Variants in HERC1 observed in about 807,000 individuals in gnomAD.
The protein encoded by HERC1 is HECT and RLD domain containing E3 ubiquitin protein ligase family member 1.
Under a neutral mutation model 554.3 loss-of-function variants are expected in HERC1, and 160 were observed. The ratio of observed to expected loss-of-function variants is 0.29; its 90% CI spans 0.25 to 0.33. The LOEUF (loss-of-function observed/expected upper bound fraction) is 0.33. Ranked by LOEUF, HERC1 falls within the 10% of genes least tolerant of loss-of-function variation. HERC1 has a pLI of 1.00. For missense variants in HERC1, 4,919 were observed against 5,918.5 expected, an observed-to-expected ratio of 0.83 and a Z score of 5.54; for synonymous variants, 2,175 against 2,131.7, an observed-to-expected ratio of 1.02 and a Z score of -0.56.
At chr15:63,630,358 G>C (rs988192850) in intron 69 of HERC1, 108 bp downstream of exon 69, 17 of 1,075,948 alleles carry the variant, frequency 1.6e-5, no homozygotes, top group African/African-American at 6.3e-5. Flanking sequence ...TGATGTGCTT[G>C]GAGTATTGCA....
intron 1 of HERC1, among the ~76,000 whole-genome samples, chr15:63,802,635 A>C (rs2077028931): frequency 6.6e-6 from 1 of 152,232 alleles, no homozygotes; most frequent in South Asian, 2.1e-4. Flanking sequence ...CACAAATCCA[A>C]ACTGACATAC....
chr15:63,631,837 G>A (rs184110070), intron 68 of HERC1, among the ~76,000 whole-genome samples: 139 of 152,222 alleles, frequency 9.1e-4, no homozygotes, highest in Middle Eastern at 6.8e-3. Flanking sequence ...CACGGCGCCC[G>A]GCCCTCCCAA....
chr15:63,681,301 A>G (rs2071466303), intron 34 of HERC1, among the ~76,000 whole-genome samples: 1 of 152,096 alleles, frequency 6.6e-6, no homozygotes, highest in African/African-American at 2.4e-5. Context: ...TCCTGGGCTC[A>G]AGCAATTCTC....
chr15:63,635,960 C>T lies in HERC1; in HGVS notation c.12414+1G>A, dbSNP rs2068761947. The T allele has an allele frequency of 6.2e-7, 1 of 1,613,710 alleles. No homozygotes were observed. Among genetic ancestry groups the T allele is most frequent in the Non-Finnish European group, 8.5e-7 (1 of 1,179,806 alleles). Reference sequence around the variant, plus strand: ...GCAAACTTATCCATTTCCTGCCTGACCTGCACCACTTCTTCTCCTTGTAAG... The same window carrying T: ...GCAAACTTATCCATTTCCTGCCTGATCTGCACCACTTCTTCTCCTTGTAAG... On this transcript the variant is annotated splice_donor_variant, in intron 65 of 77. Transcript: ENST00000443617. LOFTEE classifies it high-confidence loss of function.
chr15:63,655,652 ATAATT>A, intron 50 of HERC1, 85 bp downstream of exon 50: 1 of 913,698 alleles, frequency 1.1e-6, no homozygotes, highest in African/African-American at 1.7e-5. Context: ...CTCACGTCAT[ATAATT>A]TATCATATAC....
chr15:63,821,985 G>A (rs913721224), intron 1 of HERC1, among the ~76,000 whole-genome samples: 2 of 152,120 alleles, frequency 1.3e-5, no homozygotes, highest in Non-Finnish European at 1.5e-5. Flanking sequence ...AGAGAGATAG[G>A]GGATGTAGGG....
intron 74 of HERC1, among the ~76,000 whole-genome samples, chr15:63,621,046 C>G (rs2068054605): frequency 6.6e-6 from 1 of 152,160 alleles, no homozygotes; most frequent in Non-Finnish European, 1.5e-5. Context: ...ATGATATTAG[C>G]TGGTTATTTT....
chr15:63,673,191 C>T (rs1425587755), intron 38 of HERC1, among the ~76,000 whole-genome samples: 3 of 152,040 alleles, frequency 2.0e-5, no homozygotes, highest in Non-Finnish European at 4.4e-5. Context: ...TAGTTAACAA[C>T]TCTAAAAGTT....
intron 2 of HERC1, among the ~76,000 whole-genome samples, chr15:63,773,974 T>A (rs2076035757): frequency 6.6e-6 from 1 of 152,212 alleles, no homozygotes; most frequent in Admixed American, 6.5e-5. Flanking sequence ...TATCCAAGGT[T>A]ATGATAGTCA....
intron 1 of HERC1, among the ~76,000 whole-genome samples, chr15:63,815,131 C>A (rs1214104766): frequency 1.3e-5 from 2 of 152,210 alleles, no homozygotes; most frequent in African/African-American, 4.8e-5. Context: ...TTCATGCTTT[C>A]TATCTTCACT....
At chr15:63,668,002 T>A (rs1055798113) in intron 40 of HERC1, among the ~76,000 whole-genome samples, 2 of 152,218 alleles carry the variant, frequency 1.3e-5, no homozygotes, top group African/African-American at 4.8e-5. Flanking sequence ...GATTTTCAAC[T>A]GTTCAGGGGG....
chr15:63,783,874 T>C (rs143950608), intron 1 of HERC1, among the ~76,000 whole-genome samples: 1,615 of 152,184 alleles, frequency 0.011, 28 homozygotes, highest in Non-Finnish European at 0.015. Context: ...AAGACCATCC[T>C]GGCCAACATG....
chr15:63,756,770 T>G lies in HERC1; in HGVS notation c.1222-22A>C, dbSNP rs1260123555. 1 of 1,438,634 alleles carries G rather than the reference T, an allele frequency of 7.0e-7. No homozygotes were observed. The highest frequency in any genetic ancestry group is 2.4e-5 in the East Asian group (1 of 42,126). The allele number at this position is 1,438,634 out of a possible 1,614,324, so 89.1% of individuals were successfully genotyped here. ...CAATCTATAAACAAAGAATCATAAATATAAAATACTTCTGTGAGTATCAAA... is the reference window on the plus strand; with the variant it reads ...CAATCTATAAACAAAGAATCATAAAGATAAAATACTTCTGTGAGTATCAAA... On this transcript the variant is annotated intron_variant, in intron 4 of 77. Coordinates refer to ENST00000443617, the MANE Select transcript of HERC1 (RefSeq NM_003922.4). This position sits in a 1 kb window ranked among gnomAD's most constrained non-coding sequence, Gnocchi z 5.0.
chr15:63,724,892 A>ATTTC (rs1202513781), intron 18 of HERC1, among the ~76,000 whole-genome samples: 3 of 152,224 alleles, frequency 2.0e-5, no homozygotes, highest in African/African-American at 7.2e-5. Flanking sequence ...GCTGGGAGGA[A>ATTTC]AAGAGGCTGC....
intron 1 of HERC1, among the ~76,000 whole-genome samples, chr15:63,789,736 T>C (rs987525915): frequency 6.6e-6 from 1 of 151,350 alleles, no homozygotes; most frequent in Admixed American, 6.6e-5. Context: ...AGGTGGAAGT[T>C]GCAGTGAGCC....
rs1480168058 is a variant in HERC1 at position 63,655,787 on chromosome 15, C to A, written c.10039G>T (p.Ala3347Ser). 3 of 1,574,124 alleles carry A rather than the reference C, an allele frequency of 1.9e-6. No individual in the cohort carries two copies. The highest frequency in any genetic ancestry group is 2.6e-6 in the Non-Finnish European group (3 of 1,158,326). The change falls in exon 50 of 78, where the codon GCC (alanine) becomes TCC (serine). Residue 3347 changes from alanine (A) to serine (S), a missense_variant. Around this residue, in one of 11 missense-constraint regions of HERC1, gnomAD observed 1,963 missense variants for 2,228.6 expected, o/e 0.88. Transcript: ENST00000443617. ...TTATCATAGTTAGGTCTTAGTTTGG[C>A]CCCTTTGTCTGCTAGCAATGCCACA... ...ALVALLADKG[A>S]KLRPNYDKSE...
rs1340252102 is a variant in HERC1, at chr15:63,625,999, T to G, written c.13261A>C (p.Ser4421Arg). The G allele has an allele frequency of 5.0e-6, 8 of 1,610,178 alleles. No individual in the cohort carries two copies. Among genetic ancestry groups the G allele is most frequent in the Non-Finnish European group, 6.8e-6 (8 of 1,178,262 alleles). Residue 4421 changes from serine to arginine, a missense_variant, in exon 71 of 78, where the codon AGC becomes CGC. Ser to Arg is a moderately radical substitution (Grantham distance 110). Transcript: ENST00000443617. Reference sequence around the variant, plus strand: ...CAGTCTGTTACCTGGTTGTTGGGGCTAAGGTTCAGCAGTCTCCAGGATGAG... The same window carrying G: ...CAGTCTGTTACCTGGTTGTTGGGGCGAAGGTTCAGCAGTCTCCAGGATGAG... ...MYSSWRLLNL[S>R]PNNQNSTSHY...
In HERC1 at chr15:63,692,289, A is replaced by T; in HGVS notation, c.5830+122T>A. The T allele has an allele frequency of 2.8e-6, 2 of 717,854 alleles. No homozygotes were observed. The highest frequency in any genetic ancestry group is 4.3e-6 in the Non-Finnish European group (2 of 467,636). 44.5% of individuals were successfully genotyped at this position (717,854 alleles called of 1,614,324 possible). A position where few individuals can be genotyped will look rare whatever the true frequency, so the allele number is the denominator to read the frequency against. ...CTTTTGATCAAATAGGTACGCAGAAAATAAGAAAGAAAAGCCTTCAAATCA... is the reference window on the plus strand; with the variant it reads ...CTTTTGATCAAATAGGTACGCAGAATATAAGAAAGAAAAGCCTTCAAATCA... On this transcript the variant is annotated intron_variant, in intron 31 of 77. Coordinates refer to ENST00000443617, the MANE Select transcript of HERC1 (RefSeq NM_003922.4). This position sits in a 1 kb window ranked among gnomAD's most constrained non-coding sequence, Gnocchi z 4.7.
intron 12 of HERC1, among the ~76,000 whole-genome samples, chr15:63,745,823 C>T (rs2075035354): frequency 6.6e-6 from 1 of 152,192 alleles, no homozygotes. Flanking sequence ...TTCTATTCCA[C>T]CATCTTGCTC....
Sources: allele counts gnomAD v4.1 joint callset (sites outside exome capture counted in the v4.1 genomes callset), GRCh38; gene constraint gnomAD v4.1.1; regional missense constraint gnomAD v4.1.1; non-coding constraint Gnocchi (gnomAD v3.1); transcripts MANE v1.5; gene names NCBI Gene and HGNC (gene_info 2026-07-23, HGNC 2026-07-21).